The following HS6ST3 variants were observed in gnomAD, a reference collection of about 807,000 sequenced individuals.
The protein encoded by HS6ST3 is heparan sulfate 6-O-sulfotransferase 3, also known as heparan-sulfate 6-O-sulfotransferase 3.
HS6ST3 carries 12 observed loss-of-function variants against 36.7 expected under a neutral mutation model. That is an observed-to-expected ratio of 0.33 (90% CI 0.21 to 0.53). The LOEUF is 0.53. HS6ST3 is among the 20% of genes least tolerant of loss of function. The pLI, the probability that HS6ST3 is intolerant of heterozygous loss-of-function variation, is 0.95. For synonymous variants in HS6ST3, 240 were observed against 257.5 expected (o/e 0.93, Z 0.65); for missense variants, 584 against 640.9 (o/e 0.91, Z 0.96).
chr13:96,287,424 A>G (rs1427012333), intron 1 of HS6ST3, among the ~76,000 whole-genome samples: 2 of 152,192 alleles, frequency 1.3e-5, no homozygotes, highest in African/African-American at 4.8e-5. Flanking sequence ...ATATTTAAAG[A>G]ACATTATCCA....
At chr13:96,533,304 T>A (rs1333590452) in intron 1 of HS6ST3, among the ~76,000 whole-genome samples, 1 of 152,188 alleles carries the variant, frequency 6.6e-6, no homozygotes, top group Non-Finnish European at 1.5e-5. Context: ...CCTCCACATT[T>A]ATTTACTTAA....
At chr13:96,098,300 A>G (rs1278255872) in intron 1 of HS6ST3, among the ~76,000 whole-genome samples, 1 of 152,236 alleles carries the variant, frequency 6.6e-6, no homozygotes, top group African/African-American at 2.4e-5. Context: ...AGAGAGCTAT[A>G]TATTAATATA....
intron 1 of HS6ST3, among the ~76,000 whole-genome samples, chr13:96,676,687 C>A (rs2056699875): frequency 6.6e-6 from 1 of 152,056 alleles, no homozygotes; most frequent in Admixed American, 6.6e-5. Context: ...TTTTTGAGGT[C>A]TAAGTCATAA....
intron 1 of HS6ST3, among the ~76,000 whole-genome samples, chr13:96,173,558 G>A (rs2054198281): frequency 6.7e-6 from 1 of 149,348 alleles, no homozygotes; most frequent in Non-Finnish European, 1.5e-5. Context: ...TGGAATCATC[G>A]AATACTCAAG....
intron 1 of HS6ST3, among the ~76,000 whole-genome samples, chr13:96,344,117 A>T (rs1263611338): frequency 2.6e-5 from 4 of 152,138 alleles, no homozygotes; most frequent in Non-Finnish European, 5.9e-5. Flanking sequence ...TATATGGTGT[A>T]TATTATATAG....
chr13:96,711,563 A>G (rs1875562779), intron 1 of HS6ST3, among the ~76,000 whole-genome samples: 1 of 152,056 alleles, frequency 6.6e-6, no homozygotes, highest in Admixed American at 6.6e-5. Flanking sequence ...ACTCCCTTTT[A>G]CTTTTGTCAC....
chr13:96,368,112 A>T (rs1691933471), intron 1 of HS6ST3, among the ~76,000 whole-genome samples: 1 of 152,160 alleles, frequency 6.6e-6, no homozygotes, highest in Admixed American at 6.6e-5. Context: ...ATTGCTGGGA[A>T]CGCCTTTATT....
intron 1 of HS6ST3, among the ~76,000 whole-genome samples, chr13:96,472,155 C>A (rs1198918663): frequency 5.3e-5 from 8 of 152,216 alleles, no homozygotes; most frequent in Admixed American, 5.2e-4. Flanking sequence ...TATTCTATTG[C>A]AAGTTCCTCT....
intron 1 of HS6ST3, among the ~76,000 whole-genome samples, chr13:96,594,134 G>A (rs1307725617): frequency 6.6e-6 from 1 of 151,976 alleles, no homozygotes; most frequent in East Asian, 1.9e-4. Flanking sequence ...CACCATGCCA[G>A]GCTAATTTTG....
chr13:96,158,268 G>GTAAAAATGATTGTA (rs1394158271), intron 1 of HS6ST3, among the ~76,000 whole-genome samples: 1 of 152,110 alleles, frequency 6.6e-6, no homozygotes, highest in African/African-American at 2.4e-5. Context: ...GATGCGGGAA[G>GTAAAAATGATTGTA]GAGGTAAAAA....
intron 1 of HS6ST3, among the ~76,000 whole-genome samples, chr13:96,267,328 A>G (rs560731158): frequency 6.6e-6 from 1 of 152,308 alleles, no homozygotes; most frequent in Non-Finnish European, 1.5e-5. Flanking sequence ...CATCTTGTAC[A>G]TTAACAGGAA....
chr13:96,423,445 G>C (rs1278839723), intron 1 of HS6ST3, among the ~76,000 whole-genome samples: 1 of 151,932 alleles, frequency 6.6e-6, no homozygotes, highest in Non-Finnish European at 1.5e-5. Context: ...AAATAATAAA[G>C]TGAGTAGATT....
At chr13:96,672,165 T>C (rs759582240) in intron 1 of HS6ST3, among the ~76,000 whole-genome samples, 3 of 152,184 alleles carry the variant, frequency 2.0e-5, no homozygotes, top group Non-Finnish European at 2.9e-5. Flanking sequence ...TTTGCTCTCT[T>C]GTGTCTTCTT....
At chr13:96,141,098 G>A (rs908761660) in intron 1 of HS6ST3, among the ~76,000 whole-genome samples, 1 of 152,148 alleles carries the variant, frequency 6.6e-6, no homozygotes, top group African/African-American at 2.4e-5. Context: ...TATGTATTAG[G>A]AAGAGAAGGG....
chr13:96,621,577 C>T (rs1408179063), intron 1 of HS6ST3, among the ~76,000 whole-genome samples: 2 of 152,164 alleles, frequency 1.3e-5, no homozygotes, highest in African/African-American at 4.8e-5. Context: ...ATACAAACCT[C>T]TTTCCCTTTC....
chr13:96,742,047 C>T (rs565990284), intron 1 of HS6ST3, among the ~76,000 whole-genome samples: 1 of 152,200 alleles, frequency 6.6e-6, no homozygotes, highest in South Asian at 2.1e-4. Flanking sequence ...ATATGAACAT[C>T]CCGTTGAGAG....
chr13:96,336,517 A>G (rs2055101845), intron 1 of HS6ST3, among the ~76,000 whole-genome samples: 1 of 152,176 alleles, frequency 6.6e-6, no homozygotes, highest in Admixed American at 6.5e-5. Context: ...ATTGGTGTCC[A>G]TATTAGAGGA....
chr13:96,199,783 G>A (rs1255655323), intron 1 of HS6ST3, among the ~76,000 whole-genome samples: 2 of 151,850 alleles, frequency 1.3e-5, no homozygotes, highest in Non-Finnish European at 2.9e-5. Context: ...TTCATTTTTT[G>A]GCTAGAGAAA....
At chr13:96,677,767 C>A (rs1156867280) in intron 1 of HS6ST3, among the ~76,000 whole-genome samples, 1 of 152,092 alleles carries the variant, frequency 6.6e-6, no homozygotes, top group Non-Finnish European at 1.5e-5. Context: ...ACATCTCTTT[C>A]TCTCCTCTAG....
Sources: allele counts gnomAD v4.1 joint callset (sites outside exome capture counted in the v4.1 genomes callset), GRCh38; gene constraint gnomAD v4.1.1; transcripts MANE v1.5; gene names NCBI Gene and HGNC (gene_info 2026-07-23, HGNC 2026-07-21).